Variants in SH3BP1 observed in about 807,000 individuals in gnomAD.
SH3BP1 encodes the protein SH3 domain-binding protein 1.
SH3BP1 carries 46 observed loss-of-function variants against 69.8 expected under a neutral mutation model. The ratio of observed to expected loss-of-function variants is 0.66; its 90% CI spans 0.52 to 0.84. SH3BP1 has a LOEUF of 0.84. SH3BP1 is among the 40% of genes least tolerant of loss of function. The probability of loss-of-function intolerance (pLI) is 0.00; values close to 1 mark genes in which losing one functional copy is unlikely to be tolerated. For synonymous variants in SH3BP1, 403 were observed against 378.0 expected, an observed-to-expected ratio of 1.07 and a Z score of -0.77; for missense variants, 868 against 930.9, an observed-to-expected ratio of 0.93 and a Z score of 0.88.
At chr22:37,643,407 A>G in intron 6 of SH3BP1, 1 of 664,510 alleles carries the variant, frequency 1.5e-6, no homozygotes, top group Non-Finnish European at 2.6e-6. Flanking sequence ...GATCCTGTAA[A>G]CAGTCCTGCG....
At chr22:37,642,713 T>C in intron 4 of SH3BP1, 98 bp downstream of exon 4, 1 of 1,607,608 alleles carries the variant, frequency 6.2e-7, no homozygotes, top group Non-Finnish European at 8.5e-7. Context: ...ATCAGAAGAA[T>C]GACCAGGCTG....
chr22:37,652,173 G>A (rs941940874), intron 16 of SH3BP1, among the ~76,000 whole-genome samples: 93 of 152,232 alleles, frequency 6.1e-4, no homozygotes, highest in East Asian at 5.8e-4. Context: ...AGCTGGGCAT[G>A]TTGGTGGGCG....
chr22:37,641,524 C>T, intron 3 of SH3BP1, 46 bp downstream of exon 3: 1 of 1,464,194 alleles, frequency 6.8e-7, no homozygotes. Flanking sequence ...AGGAGACTTC[C>T]ATCCAATGGG....
intron 14 of SH3BP1, chr22:37,648,901 C>T (rs1201797885): frequency 2.3e-5 from 4 of 171,136 alleles, no homozygotes; most frequent in Non-Finnish European, 5.1e-5. Flanking sequence ...GACAGGGTTT[C>T]ACCGTGTTAG....
chr22:37,642,876 T>C lies in SH3BP1; in HGVS notation c.285-19T>C, dbSNP rs1569005545. On this transcript the variant is annotated intron_variant, in intron 4 of 17. Coordinates refer to ENST00000649765, the MANE Select transcript of SH3BP1 (RefSeq NM_018957.6). ...TGAGGGCAGCGGGCGCCTGGACCCA[T>C]GGGGTGCCGTGTCCACAGGAAGGCC... 3 of 1,607,608 alleles carry C rather than the reference T, an allele frequency of 1.9e-6. No homozygotes were observed. Among genetic ancestry groups the C allele is most frequent in the Non-Finnish European group, 2.6e-6 (3 of 1,176,180 alleles).
intron 16 of SH3BP1, among the ~76,000 whole-genome samples, chr22:37,651,822 C>T (rs943094386): frequency 1.3e-5 from 2 of 151,594 alleles, no homozygotes; most frequent in African/African-American, 2.4e-5. Flanking sequence ...GCCACCAGTG[C>T]GTTCTCTCTA....
In SH3BP1 at chr22:37,655,744, A is replaced by G; in HGVS notation, c.*60A>G. On this transcript the variant is annotated 3_prime_UTR_variant, in exon 18 of 18. Transcript: ENST00000649765. ...CCCTCCCTCCCCACCTGGCCCTCCCAGGACAGCTCTCGCCCCCCACAAAGG... is the reference window on the plus strand; with the variant it reads ...CCCTCCCTCCCCACCTGGCCCTCCCGGGACAGCTCTCGCCCCCCACAAAGG... 7.0e-7 allele frequency: 1 copy of G among 1,434,002 alleles called. No homozygotes were observed. The highest frequency in any genetic ancestry group is 9.1e-7 in the Non-Finnish European group (1 of 1,097,814). The allele number at this position is 1,434,002 out of a possible 1,614,324, so 88.8% of individuals were successfully genotyped here.
intron 15 of SH3BP1, 110 bp from the exon 16 acceptor site, chr22:37,650,432 A>T: frequency 1.3e-6 from 2 of 1,504,694 alleles, no homozygotes; most frequent in Non-Finnish European, 1.8e-6. Context: ...GGGAGTGGGG[A>T]AGCTGAACAT....
Position 37,655,885 on chromosome 22 carries a change from G to A in SH3BP1, c.*201G>A. 6.5e-7 allele frequency: 1 copy of A among 1,549,826 alleles called. No individual in the cohort carries two copies. The highest frequency in any genetic ancestry group is 8.7e-7 in the Non-Finnish European group (1 of 1,154,796). Reference sequence around the variant, plus strand: ...CCTGACCTTTTCCTCGTCCACCCTGGGCTTGGGGACCCCCCCACCGGACTC... The same window carrying A: ...CCTGACCTTTTCCTCGTCCACCCTGAGCTTGGGGACCCCCCCACCGGACTC... On this transcript the variant is annotated 3_prime_UTR_variant, in exon 18 of 18. Coordinates refer to ENST00000649765, the MANE Select transcript of SH3BP1 (RefSeq NM_018957.6).
At position 37,641,362 on chromosome 22, in the gene SH3BP1, C is replaced by T; in HGVS notation, c.103-12C>T. The T allele has an allele frequency of 6.4e-7, 1 of 1,550,960 alleles. No homozygotes were observed. Among genetic ancestry groups the T allele is most frequent in the Non-Finnish European group, 8.7e-7 (1 of 1,146,712 alleles). ...CCTCTCTTGATCCTTAACCTCCATACCTCCTTCCCAGGTAGAACAGCGGCT... is the reference window on the plus strand; with the variant it reads ...CCTCTCTTGATCCTTAACCTCCATATCTCCTTCCCAGGTAGAACAGCGGCT... On this transcript the variant is annotated splice_polypyrimidine_tract_variant and intron_variant, in intron 2 of 17. Transcript: ENST00000649765.
At chr22:37,654,466 G>A (rs1017626784) in intron 17 of SH3BP1, among the ~76,000 whole-genome samples, 17 of 152,054 alleles carry the variant, frequency 1.1e-4, no homozygotes, top group Non-Finnish European at 5.9e-5. Context: ...AGATACTTAG[G>A]AGGCTGAGGC....
intron 17 of SH3BP1, among the ~76,000 whole-genome samples, chr22:37,654,507 G>A (rs1932961618): frequency 6.6e-6 from 1 of 151,966 alleles, no homozygotes; most frequent in African/African-American, 2.4e-5. Context: ...GGAGGCAGAA[G>A]CTGCAGTGAG....
Position 37,655,472 on chromosome 22 carries a change from C to A in SH3BP1, c.1894C>A (p.Arg632=). The stretch of plus-strand genomic sequence containing the variant: ...ACCCCCCACACCCCCTCAGCCTGCC[C>A]GGCGCCAAAGCCGGCGTTCACCAGC... ...PLPPTPPQPA[R]RQSRRSPASP... is the part of the protein sequence containing the mutation. The change falls in exon 18 of 18, where the codon CGG becomes AGG. Residue 632 remains arginine, a synonymous_variant. Transcript: ENST00000649765. 6.8e-7 allele frequency: 1 copy of A among 1,465,738 alleles called. No individual in the cohort carries two copies. The highest frequency in any genetic ancestry group is 1.3e-5 in the South Asian group (1 of 77,472). The allele number at this position is 1,465,738 out of a possible 1,614,324, so 90.8% of individuals were successfully genotyped here.
At chr22:37,653,989 T>C (rs989579020) in intron 17 of SH3BP1, 116 bp downstream of exon 17, 1 of 751,966 alleles carries the variant, frequency 1.3e-6, no homozygotes, top group African/African-American at 1.8e-5. Flanking sequence ...GTCAAGGTGA[T>C]AAAGAGCCCA....
chr22:37,639,873 C>T, intron 1 of SH3BP1, 27 bp downstream of exon 1: 1 of 1,540,414 alleles, frequency 6.5e-7, no homozygotes. Context: ...TCCAGCCCCA[C>T]TCTTACCCCG....
In SH3BP1 at chr22:37,655,281, C is replaced by T. The variant is rs768349095; in HGVS notation, c.1703C>T (p.Pro568Leu). 2.1e-5 allele frequency: 33 copies of T among 1,581,720 alleles called. No individual in the cohort carries two copies. The highest frequency in any genetic ancestry group is 6.9e-5 in the Admixed American group (4 of 58,012). ...VEDMARRTKR[P>L]APARPTMPPP... is the part of the protein sequence containing the mutation. The stretch of plus-strand genomic sequence containing the variant: ...TTTCCTTCCTCAACAGCCAAGCGCC[C>T]GGCGCCAGCCCGGCCCACCATGCCG... Residue 568 changes from proline to leucine, a missense_variant, in exon 18 of 18, where the codon CCG becomes CTG. By Grantham distance (98) the Pro-to-Leu change is moderately conservative. Transcript: ENST00000649765.
chr22:37,651,517 A>G (rs575382773), intron 16 of SH3BP1, among the ~76,000 whole-genome samples: 9 of 151,242 alleles, frequency 6.0e-5, no homozygotes, highest in African/African-American at 2.2e-4. Context: ...TTCAGTAGAG[A>G]CAGGGTTACC....
intron 4 of SH3BP1, 106 bp from the exon 5 acceptor site, chr22:37,642,789 G>A (rs1601581270): frequency 1.3e-6 from 2 of 1,593,192 alleles, no homozygotes; most frequent in East Asian, 4.5e-5. Context: ...CAGAGATGAA[G>A]GATATCTAGG....
At chr22:37,641,099 C>T (rs774209690) in intron 1 of SH3BP1, 27 bp from the exon 2 acceptor site, 2 of 98,982 alleles carry the variant, frequency 2.0e-5, no homozygotes, top group Non-Finnish European at 2.8e-5. Context: ...GAAGCACTCT[C>T]CCCCCCCCCC....
Sources: gnomAD v4.1 joint callset for allele counts (sites outside exome capture counted in the v4.1 genomes callset) on GRCh38, gnomAD v4.1.1 for gene constraint, MANE v1.5 for transcripts, NCBI Gene and HGNC (gene_info 2026-07-23, HGNC 2026-07-21) for gene names.